The following TTC39C variants were observed in gnomAD, a reference collection of about 807,000 sequenced individuals.
TTC39C encodes the protein tetratricopeptide repeat domain 39C.
Under a neutral mutation model 76.3 loss-of-function variants are expected in TTC39C, and 33 were observed. The observed-to-expected ratio is 0.43, with a 90% confidence interval of 0.33 to 0.58. The LOEUF is 0.58. TTC39C is among the 20% of genes least tolerant of loss of function. The pLI is 0.04. For synonymous variants in TTC39C, 254 were observed against 260.6 expected (o/e 0.97, Z 0.24); for missense variants, 595 against 701.4 (o/e 0.85, Z 1.71).
At chr18:24,064,113 G>A in intron 1 of TTC39C, 27 bp from the exon 2 acceptor site, 1 of 1,349,786 alleles carries the variant, frequency 7.4e-7, no homozygotes, top group South Asian at 1.4e-5. Context: ...ATTGTATTTT[G>A]TGTGTGTGTG....
At chr18:24,105,725 C>T (rs2084738073) in intron 6 of TTC39C, among the ~76,000 whole-genome samples, 1 of 152,190 alleles carries the variant, frequency 6.6e-6, no homozygotes, top group Admixed American at 6.5e-5. Context: ...GAATGGATCC[C>T]CAAAGAAGGG....
intron 1 of TTC39C, among the ~76,000 whole-genome samples, chr18:24,023,995 T>C (rs1362651718): frequency 3.9e-3 from 25 of 6,474 alleles, no homozygotes; most frequent in African/African-American, 0.013. Flanking sequence ...TATATATATA[T>C]ATATATATAT....
intron 7 of TTC39C, 113 bp from the exon 8 acceptor site, chr18:24,118,012 C>A (rs891768035): frequency 1.6e-5 from 11 of 696,966 alleles, no homozygotes; most frequent in Non-Finnish European, 2.4e-5. Context: ...CTTTTTTACG[C>A]ATTTCATAGA....
intron 1 of TTC39C, among the ~76,000 whole-genome samples, chr18:24,023,303 C>T (rs907023068): frequency 6.6e-6 from 1 of 152,052 alleles, no homozygotes; most frequent in Non-Finnish European, 1.5e-5. Context: ...CTGGCCCCGT[C>T]GCTGCCTTTG....
At chr18:24,035,961 A>T (rs2083727439) in intron 1 of TTC39C, among the ~76,000 whole-genome samples, 1 of 152,150 alleles carries the variant, frequency 6.6e-6, no homozygotes, top group African/African-American at 2.4e-5. Flanking sequence ...TTTGTATGGT[A>T]TAAAGTAAGG....
intron 6 of TTC39C, among the ~76,000 whole-genome samples, chr18:24,112,701 C>G (rs2084831514): frequency 6.6e-6 from 1 of 152,180 alleles, no homozygotes; most frequent in South Asian, 2.1e-4. Flanking sequence ...CGGGGGGGAA[C>G]AGCTCGGTGG....
intron 7 of TTC39C, among the ~76,000 whole-genome samples, chr18:24,117,860 T>C (rs918217196): frequency 1.3e-5 from 2 of 152,094 alleles, no homozygotes; most frequent in African/African-American, 4.8e-5. Flanking sequence ...TAAATTGGAG[T>C]GTCTTTCTAG....
Position 24,093,944 on chromosome 18 carries a change from A to G in TTC39C, c.984+10863A>G, listed in dbSNP as rs935731081. On this transcript the variant is annotated intron_variant, in intron 6 of 13. Transcript: ENST00000317571. ...TGTGGCAATTTCTTGAAGTAAGGCA[A>G]CAGTGAAGTTTACCCCGCCGATTGA... Among the ~76,000 whole-genome samples, 10 of 152,150 alleles carry G rather than the reference A, an allele frequency of 6.6e-5. 1 individual carries two copies. The highest frequency in any genetic ancestry group is 6.5e-4 in the Admixed American group (10 of 15,280).
intron 1 of TTC39C, among the ~76,000 whole-genome samples, chr18:24,018,935 A>G (rs527909112): frequency 3.3e-5 from 5 of 152,222 alleles, no homozygotes; most frequent in African/African-American, 1.2e-4. Context: ...TGCTTTCCTC[A>G]GGTTTACTTT....
chr18:24,066,041 A>G lies in TTC39C; in HGVS notation c.246A>G (p.Lys82=). The G allele has an allele frequency of 6.3e-7, 1 of 1,599,492 alleles. No homozygotes were observed. The change falls in exon 3 of 14, where the codon AAA becomes AAG. Residue 82 remains lysine, a synonymous_variant. Coordinates refer to ENST00000317571, the MANE Select transcript of TTC39C (RefSeq NM_001135993.2). ...CCATGATGACATTTGAGGAAGAAAA[A>G]ATGCAGTTGGCATGTGATGACTTAA... ...LNAMMTFEEE[K]MQLACDDLKT...
chr18:24,121,677 A>C (rs1217963468), intron 8 of TTC39C, among the ~76,000 whole-genome samples: 1 of 152,238 alleles, frequency 6.6e-6, no homozygotes, highest in Non-Finnish European at 1.5e-5. Flanking sequence ...GGGGTGGTTC[A>C]GATACCGTTG....
At chr18:24,034,987 C>G (rs1224730200) in intron 1 of TTC39C, among the ~76,000 whole-genome samples, 1 of 152,030 alleles carries the variant, frequency 6.6e-6, no homozygotes, top group African/African-American at 2.4e-5. Context: ...GGGTATATAC[C>G]CAGAAGTGGA....
At chr18:24,103,627 GGA>G (rs2084706555) in intron 6 of TTC39C, among the ~76,000 whole-genome samples, 1 of 152,106 alleles carries the variant, frequency 6.6e-6, no homozygotes, top group African/African-American at 2.4e-5. Context: ...TGTTCACATT[GGA>G]GAGTCACTTT....
At chr18:24,071,603 C>G (rs533925815) in intron 4 of TTC39C, among the ~76,000 whole-genome samples, 1 of 151,806 alleles carries the variant, frequency 6.6e-6, no homozygotes, top group Non-Finnish European at 1.5e-5. Context: ...GGGTATTTTC[C>G]CTATGACTTA....
intron 1 of TTC39C, among the ~76,000 whole-genome samples, chr18:24,021,118 C>T (rs571093078): frequency 1.2e-4 from 19 of 152,146 alleles, no homozygotes; most frequent in Non-Finnish European, 2.4e-4. Context: ...GAAGAGGCTA[C>T]GAAGGACTCA....
At chr18:24,060,341 G>C (rs111669072) in intron 1 of TTC39C, among the ~76,000 whole-genome samples, 3 of 109,190 alleles carry the variant, frequency 2.7e-5, no homozygotes, top group Non-Finnish European at 5.2e-5. Flanking sequence ...TTTTTGAGAC[G>C]TAGTCTCTCT....
At position 24,077,000 on chromosome 18, in the gene TTC39C, C is replaced by G. The variant is rs1433356090; in HGVS notation, c.461-3585C>G. 1.3e-5 allele frequency: 2 copies of G among 152,212 alleles called. 1 individual carries two copies. The highest frequency in any genetic ancestry group is 4.1e-4 in the South Asian group (2 of 4,836). The allele number at this position is 152,212 out of a possible 1,614,324, so 9.4% of individuals were successfully genotyped here. A position where few individuals can be genotyped will look rare whatever the true frequency, so the allele number is the denominator to read the frequency against. On this transcript the variant is annotated intron_variant, in intron 4 of 13. Coordinates refer to ENST00000317571, the MANE Select transcript of TTC39C (RefSeq NM_001135993.2). ...TACCATCCATTTCTGTAGCTCCTCA[C>G]CTGAGGTCAGAATTGTTAGCATTCA...
intron 6 of TTC39C, chr18:24,114,324 G>A (rs1278399430): frequency 1.1e-5 from 4 of 374,126 alleles, no homozygotes; most frequent in African/African-American, 2.3e-5. Context: ...AAGGCGGCGC[G>A]AGCTGAGCCC....
chr18:24,071,734 G>A (rs2084243821), intron 4 of TTC39C, among the ~76,000 whole-genome samples: 1 of 152,146 alleles, frequency 6.6e-6, no homozygotes, highest in African/African-American at 2.4e-5. Context: ...GTATTAGTGA[G>A]ATTGAATATG....
Sources: gnomAD v4.1 joint callset for allele counts (sites outside exome capture counted in the v4.1 genomes callset) on GRCh38, gnomAD v4.1.1 for gene constraint, MANE v1.5 for transcripts, NCBI Gene and HGNC (gene_info 2026-07-23, HGNC 2026-07-21) for gene names.